The following RAPGEF6 variants were observed in gnomAD, a reference collection of about 807,000 sequenced individuals.
RAPGEF6 encodes the protein Rap guanine nucleotide exchange factor 6.
RAPGEF6 carries 56 observed loss-of-function variants against 171.4 expected under a neutral mutation model. The observed-to-expected ratio is 0.33, with a 90% CI of 0.26 to 0.41. The LOEUF (loss-of-function observed/expected upper bound fraction) is 0.41, where lower values mean the gene tolerates loss of function less well. Among genes scored for constraint, RAPGEF6 ranks in the 10% least tolerant of loss-of-function variants. RAPGEF6 has a pLI of 1.00. For missense variants in RAPGEF6, 1,674 were observed against 1,921.4 expected (o/e 0.87, Z 2.41); for synonymous variants, 692 against 650.1 (o/e 1.06, Z -0.98).
intron 21 of RAPGEF6, among the ~76,000 whole-genome samples, chr5:131,451,144 C>T (rs1170998109): frequency 6.6e-6 from 1 of 152,198 alleles, no homozygotes; most frequent in Non-Finnish European, 1.5e-5. Context: ...CACTGTTAAG[C>T]AATGACATCA....
intron 7 of RAPGEF6, among the ~76,000 whole-genome samples, chr5:131,512,427 G>C (rs893303277): frequency 6.6e-6 from 1 of 150,550 alleles, no homozygotes; most frequent in African/African-American, 2.5e-5. Flanking sequence ...GTTGTGCAGT[G>C]GTATGATCAC....
At chr5:131,458,749 G>A (rs566465736) in intron 19 of RAPGEF6, among the ~76,000 whole-genome samples, 5 of 152,312 alleles carry the variant, frequency 3.3e-5, no homozygotes, top group African/African-American at 1.2e-4. Flanking sequence ...CACCTCCTGG[G>A]TTCAAGTGAT....
chr5:131,447,647 T>C (rs1261648068), intron 21 of RAPGEF6, among the ~76,000 whole-genome samples: 1 of 152,252 alleles, frequency 6.6e-6, no homozygotes, highest in African/African-American at 2.4e-5. Flanking sequence ...AGGTTATCTA[T>C]GGATTTTCTA....
At chr5:131,606,489 T>TAA (rs1380078506) in intron 1 of RAPGEF6, among the ~76,000 whole-genome samples, 1 of 152,058 alleles carries the variant, frequency 6.6e-6, no homozygotes, top group Non-Finnish European at 1.5e-5. Context: ...GTGAAAAAGA[T>TAA]ATTTAAGTAT....
intron 21 of RAPGEF6, among the ~76,000 whole-genome samples, chr5:131,449,434 G>A (rs1227409593): frequency 6.6e-6 from 1 of 152,160 alleles, no homozygotes; most frequent in East Asian, 1.9e-4. Flanking sequence ...GTACAGCTTG[G>A]ATAAGGGCTG....
At chr5:131,606,029 C>CAAAAAAAAAAAAAAAAA (rs1168486376) in intron 1 of RAPGEF6, among the ~76,000 whole-genome samples, 2 of 70,590 alleles carry the variant, frequency 2.8e-5, no homozygotes, top group Non-Finnish European at 2.3e-5. Flanking sequence ...GACTCCATCT[C>CAAAAAAAAAAAAAAAAA]AAAAAAAAAA....
chr5:131,557,792 A>G (rs1284129964), intron 5 of RAPGEF6, among the ~76,000 whole-genome samples: 2 of 152,154 alleles, frequency 1.3e-5, no homozygotes, highest in Admixed American at 6.5e-5. Flanking sequence ...TTCTTTAATT[A>G]TATCAATGTA....
At chr5:131,474,083 G>C (rs144507666) in intron 16 of RAPGEF6, among the ~76,000 whole-genome samples, 170 of 152,308 alleles carry the variant, frequency 1.1e-3, no homozygotes, top group African/African-American at 3.8e-3. Flanking sequence ...CAGGAATACT[G>C]AAAAATCAGG....
intron 22 of RAPGEF6, among the ~76,000 whole-genome samples, chr5:131,445,493 CTGTGTGTGTGTG>C (rs11269268): frequency 6.8e-6 from 1 of 147,224 alleles, no homozygotes; most frequent in Non-Finnish European, 1.5e-5. Flanking sequence ...AACTCACTCT[CTGTGTGTGTGTG>C]TGTGTGTGTG....
At chr5:131,538,807 C>G (rs1382276232) in intron 6 of RAPGEF6, among the ~76,000 whole-genome samples, 1 of 152,196 alleles carries the variant, frequency 6.6e-6, no homozygotes, top group African/African-American at 2.4e-5. Flanking sequence ...AAAATCTGCT[C>G]TAACTTGGCA....
rs147073019 is a variant in RAPGEF6, at chr5:131,434,508, G to A, written c.3746-850C>T. Reference sequence around the variant, plus strand: ...CCCGCCTCAGCCTACCAAATTGCTGGGATTACAGGTATGAGCCACCATGCC... The same window carrying A: ...CCCGCCTCAGCCTACCAAATTGCTGAGATTACAGGTATGAGCCACCATGCC... On this transcript the variant is annotated intron_variant, in intron 24 of 27. Transcript: ENST00000509018. 3.5e-3 allele frequency among the ~76,000 whole-genome samples: 539 copies of A among 152,216 alleles called. 4 individuals carry two copies. The highest frequency in any genetic ancestry group is 0.013 in the African/African-American group (521 of 41,524).
chr5:131,458,272 T>C (rs1054505934), intron 19 of RAPGEF6, among the ~76,000 whole-genome samples: 3 of 152,210 alleles, frequency 2.0e-5, no homozygotes, highest in Non-Finnish European at 4.4e-5. Context: ...GTTCTCATGA[T>C]AATCAGTGAG....
chr5:131,526,402 G>A (rs1460579395), intron 6 of RAPGEF6, among the ~76,000 whole-genome samples: 3 of 152,130 alleles, frequency 2.0e-5, no homozygotes, highest in Non-Finnish European at 4.4e-5. Context: ...CCTAATCTTA[G>A]AGATGTTATA....
rs543789997 is a variant in RAPGEF6, at chr5:131,546,519, G to A, written c.495+1528C>T. ...CTAGGGAGGCTGAGGCAGGAGAAGC[G>A]CGTGAACCCAGGAGGCAGAGGTTGC... On this transcript the variant is annotated intron_variant, in intron 6 of 27. Transcript: ENST00000509018. 9.3e-4 allele frequency among the ~76,000 whole-genome samples: 141 copies of A among 152,028 alleles called. 1 individual carries two copies. The highest frequency in any genetic ancestry group is 3.4e-3 in the Middle Eastern group (1 of 294).
At chr5:131,431,929 AATC>A (rs1335712674) in intron 25 of RAPGEF6, among the ~76,000 whole-genome samples, 1 of 152,134 alleles carries the variant, frequency 6.6e-6, no homozygotes, top group African/African-American at 2.4e-5. Context: ...CAACTTGAAG[AATC>A]ATGTTTTATT....
chr5:131,453,181 T>C lies in RAPGEF6; in HGVS notation c.3077-4A>G, dbSNP rs1472677505. The C allele has an allele frequency of 4.4e-6, 7 of 1,592,782 alleles. No individual in the cohort carries two copies. Among genetic ancestry groups the C allele is most frequent in the Non-Finnish European group, 6.0e-6 (7 of 1,167,774 alleles). On this transcript the variant is annotated splice_region_variant and splice_polypyrimidine_tract_variant and intron_variant, in intron 20 of 27. Transcript: ENST00000509018. Reference sequence around the variant, plus strand: ...CCATCTACTTTGGAGTCATTTCCTATAGAATGAAAATAAATGTTTAAGTTC... The same window carrying C: ...CCATCTACTTTGGAGTCATTTCCTACAGAATGAAAATAAATGTTTAAGTTC...
chr5:131,559,760 A>T (rs1194901730), intron 5 of RAPGEF6, among the ~76,000 whole-genome samples: 1 of 151,662 alleles, frequency 6.6e-6, no homozygotes, highest in Non-Finnish European at 1.5e-5. Flanking sequence ...GGCTCACTTG[A>T]GCCCAGGAGT....
chr5:131,445,689 C>T (rs1752646710), intron 22 of RAPGEF6, among the ~76,000 whole-genome samples: 1 of 152,058 alleles, frequency 6.6e-6, no homozygotes, highest in Admixed American at 6.6e-5. Context: ...CTCAAGTGAC[C>T]TGCCTGCCTC....
chr5:131,520,564 T>C (rs998984363), intron 7 of RAPGEF6, among the ~76,000 whole-genome samples: 1 of 152,158 alleles, frequency 6.6e-6, no homozygotes, highest in African/African-American at 2.4e-5. Flanking sequence ...CTGAAATAGG[T>C]AATATATTTG....
Sources: gnomAD v4.1 joint callset for allele counts (sites outside exome capture counted in the v4.1 genomes callset) on GRCh38, gnomAD v4.1.1 for gene constraint, MANE v1.5 for transcripts, NCBI Gene and HGNC (gene_info 2026-07-23, HGNC 2026-07-21) for gene names.